The following WDFY3 variants were observed in gnomAD, a reference collection of about 807,000 sequenced individuals.
WDFY3 encodes WD repeat and FYVE domain containing 3.
Under a neutral mutation model 409.6 loss-of-function variants are expected in WDFY3, and 66 were observed. The observed-to-expected ratio is 0.16, with a 90% confidence interval of 0.13 to 0.20. WDFY3 has a LOEUF of 0.20. WDFY3 is among the 10% of genes least tolerant of loss of function. WDFY3 has a pLI of 1.00. For synonymous variants in WDFY3, 1,521 were observed against 1,537.1 expected, an observed-to-expected ratio of 0.99 and a Z score of 0.25; for missense variants, 3,031 against 4,298.1, an observed-to-expected ratio of 0.71 and a Z score of 8.24.
In WDFY3 at chr4:84,789,914, T is replaced by C; in HGVS notation, c.3488-7A>G. 6.2e-7 allele frequency: 1 copy of C among 1,613,644 alleles called. No individual in the cohort carries two copies. The highest frequency in any genetic ancestry group is 8.5e-7 in the Non-Finnish European group (1 of 1,179,784). The stretch of plus-strand genomic sequence containing the variant: ...TCTTCACTAAAATCATCAACTGAAA[T>C]AAAGGGGGGAAGACATAAAAACTTT... On this transcript the variant is annotated splice_region_variant and splice_polypyrimidine_tract_variant and intron_variant, in intron 21 of 67. Transcript: ENST00000295888.
At chr4:84,943,332 T>C (rs551395778) in intron 1 of WDFY3, among the ~76,000 whole-genome samples, 1 of 151,880 alleles carries the variant, frequency 6.6e-6, no homozygotes, top group Admixed American at 6.6e-5. Context: ...TGAAACCCCA[T>C]CTCTACTAAG....
At chr4:84,928,271 G>A (rs1448991591) in intron 2 of WDFY3, among the ~76,000 whole-genome samples, 2 of 152,028 alleles carry the variant, frequency 1.3e-5, no homozygotes, top group East Asian at 1.9e-4. Context: ...CTTGACTCTC[G>A]AGCCCTCGGC....
chr4:84,755,456 C>T, intron 33 of WDFY3, 56 bp from the exon 34 acceptor site: 1 of 1,556,814 alleles, frequency 6.4e-7, no homozygotes, highest in Admixed American at 2.3e-5. Context: ...AGTAGAGACC[C>T]TCATAAGTTC....
intron 33 of WDFY3, 94 bp from the exon 34 acceptor site, chr4:84,755,494 G>GT: frequency 7.2e-7 from 1 of 1,387,706 alleles, no homozygotes; most frequent in Non-Finnish European, 9.6e-7. Context: ...TTTGAAACTA[G>GT]TTTTTTGTTG....
intron 3 of WDFY3, among the ~76,000 whole-genome samples, chr4:84,882,484 T>C (rs1763669480): frequency 6.6e-6 from 1 of 152,178 alleles, no homozygotes; most frequent in African/African-American, 2.4e-5. Context: ...TAACTTATCT[T>C]TTCCACAAAT....
intron 3 of WDFY3, chr4:84,886,581 T>G (rs1454769139): frequency 6.6e-6 from 1 of 152,090 alleles, no homozygotes; most frequent in Non-Finnish European, 1.5e-5. Flanking sequence ...CAAAAAAAAT[T>G]CCTTAAAATA....
Position 84,794,511 on chromosome 4 carries a change from A to T in WDFY3, c.3487+8T>A. The T allele has an allele frequency of 6.2e-7, 1 of 1,608,422 alleles. No individual in the cohort carries two copies. Among genetic ancestry groups the T allele is most frequent in the Non-Finnish European group, 8.5e-7 (1 of 1,178,468 alleles). On this transcript the variant is annotated splice_region_variant and intron_variant, in intron 21 of 67. Transcript: ENST00000295888. ...AATCAAAAGAAGAAAACAAAAAAAA[A>T]TACTGACCATAATTTTGGAGGAGTT... is the stretch of plus-strand genomic sequence containing the variant.
At chr4:84,949,127 C>T (rs1561142842) in intron 1 of WDFY3, among the ~76,000 whole-genome samples, 2 of 152,064 alleles carry the variant, frequency 1.3e-5, no homozygotes, top group East Asian at 3.9e-4. Flanking sequence ...CTAGTCTGTC[C>T]TGCATAATAG....
At chr4:84,837,126 A>G in intron 6 of WDFY3, 36 bp from the exon 7 acceptor site, 1 of 1,433,478 alleles carries the variant, frequency 7.0e-7, no homozygotes, top group Middle Eastern at 1.8e-4. Flanking sequence ...GAATAGATAG[A>G]CACAACTATA....
Position 84,907,827 on chromosome 4 carries a change from T to C in WDFY3, c.-131-10817A>G, listed in dbSNP as rs757539321. 1.8e-4 allele frequency among the ~76,000 whole-genome samples: 27 copies of C among 151,914 alleles called. 1 individual carries two copies. The highest frequency in any genetic ancestry group is 8.5e-4 in the Admixed American group (13 of 15,248). The stretch of plus-strand genomic sequence containing the variant: ...GGGATAGACGGGATATACAAGAGGA[T>C]AGAGGATAGTATAGCAACACAGCAT... On this transcript the variant is annotated intron_variant, in intron 2 of 67. Coordinates refer to ENST00000295888, the MANE Select transcript of WDFY3 (RefSeq NM_014991.6).
chr4:84,780,436 A>G, intron 25 of WDFY3, 138 bp from the exon 26 acceptor site: 1 of 974,724 alleles, frequency 1.0e-6, no homozygotes, highest in Non-Finnish European at 1.4e-6. Flanking sequence ...AATTCTAGGG[A>G]AAGCATTAAA....
chr4:84,758,322 C>G (rs955635607), intron 32 of WDFY3, among the ~76,000 whole-genome samples: 1 of 152,162 alleles, frequency 6.6e-6, no homozygotes, highest in South Asian at 2.1e-4. Flanking sequence ...TCGTAGCTCA[C>G]TTAACCTCAA....
chr4:84,880,670 C>CATACATATATATAT (rs1391196454), intron 3 of WDFY3, among the ~76,000 whole-genome samples: 1 of 55,204 alleles, frequency 1.8e-5, no homozygotes, highest in African/African-American at 8.1e-5. Flanking sequence ...ATAAGGGAAC[C>CATACATATATATAT]ATACATATAT....
chr4:84,685,931 C>T (rs1156376173), intron 62 of WDFY3, among the ~76,000 whole-genome samples: 3 of 152,226 alleles, frequency 2.0e-5, no homozygotes, highest in African/African-American at 7.2e-5. Context: ...GCATCTGACT[C>T]AACACTGCTG....
chr4:84,696,653 T>C, intron 57 of WDFY3, 79 bp downstream of exon 57: 2 of 1,424,152 alleles, frequency 1.4e-6, no homozygotes, highest in South Asian at 1.2e-5. Context: ...GGTGGTACTC[T>C]GGCTAGAGGC....
At position 84,864,942 on chromosome 4, in the gene WDFY3, C is replaced by T. The variant is rs929113759; in HGVS notation, c.-31-4320G>A. Among the ~76,000 whole-genome samples, 5 of 151,908 alleles carry T rather than the reference C, an allele frequency of 3.3e-5. No homozygotes were observed. In the East Asian group the frequency reaches 9.7e-4, roughly 29 times the overall value. On this transcript the variant is annotated intron_variant, in intron 3 of 67. Transcript: ENST00000295888. The stretch of plus-strand genomic sequence containing the variant: ...TCGCTCTAATACCCAGTCTGGAGTG[C>T]AGTGGTGCAATCACTGTGCTCACTG...
chr4:84,798,231 TATA>T, intron 17 of WDFY3, 123 bp from the exon 18 acceptor site: 1 of 779,788 alleles, frequency 1.3e-6, no homozygotes, highest in Non-Finnish European at 2.0e-6. Context: ...AAATGCAAAG[TATA>T]ATAAAACAAT....
chr4:84,782,322 A>C (rs1396710397), intron 25 of WDFY3, among the ~76,000 whole-genome samples: 2 of 152,210 alleles, frequency 1.3e-5, no homozygotes, highest in Admixed American at 6.6e-5. Context: ...AGTTACACGA[A>C]ATTATATAGT....
intron 37 of WDFY3, among the ~76,000 whole-genome samples, chr4:84,743,026 G>T (rs967793826): frequency 7.2e-5 from 11 of 152,160 alleles, no homozygotes; most frequent in Non-Finnish European, 1.6e-4. Flanking sequence ...GTGCACAGTT[G>T]CATGTTGAGA....
Sources: allele counts gnomAD v4.1 joint callset (sites outside exome capture counted in the v4.1 genomes callset), GRCh38; gene constraint gnomAD v4.1.1; transcripts MANE v1.5; gene names NCBI Gene and HGNC (gene_info 2026-07-23, HGNC 2026-07-21).